MACROD2: variants seen among roughly 807,000 people sequenced by gnomAD.
MACROD2 encodes mono-ADP ribosylhydrolase 2, also known as ADP-ribose glycohydrolase MACROD2.
Under a neutral mutation model 70.4 loss-of-function variants are expected in MACROD2, and 36 were observed. The ratio of observed to expected loss-of-function variants is 0.51; its 90% CI spans 0.39 to 0.68. The LOEUF (loss-of-function observed/expected upper bound fraction) is 0.68. Among genes scored for constraint, MACROD2 ranks in the 30% least tolerant of loss-of-function variants. MACROD2 has a pLI of 0.00. For synonymous variants in MACROD2, 172 were observed against 178.8 expected, an observed-to-expected ratio of 0.96 and a Z score of 0.30; for missense variants, 496 against 538.4, an observed-to-expected ratio of 0.92 and a Z score of 0.78.
At chr20:14,995,908 A>T (rs1337815394) in intron 5 of MACROD2, among the ~76,000 whole-genome samples, 1 of 152,224 alleles carries the variant, frequency 6.6e-6, no homozygotes, top group African/African-American at 2.4e-5. Flanking sequence ...CTTTCAGTTG[A>T]AGAAGCTAGA....
intron 5 of MACROD2, among the ~76,000 whole-genome samples, chr20:14,947,525 G>T (rs1315904822): frequency 1.3e-5 from 2 of 152,180 alleles, no homozygotes; most frequent in African/African-American, 4.8e-5. Context: ...TAAACACATG[G>T]TAACTAATAG....
chr20:15,369,390 T>G (rs1261051774), intron 6 of MACROD2, among the ~76,000 whole-genome samples: 1 of 152,216 alleles, frequency 6.6e-6, no homozygotes, highest in African/African-American at 2.4e-5. Context: ...ATAATAATGA[T>G]CAAGCTTTGT....
At chr20:14,424,844 A>C (rs2083916275) in intron 3 of MACROD2, among the ~76,000 whole-genome samples, 1 of 152,196 alleles carries the variant, frequency 6.6e-6, no homozygotes, top group African/African-American at 2.4e-5. Flanking sequence ...AATCTATAAT[A>C]AATTGGGGAT....
intron 7 of MACROD2, among the ~76,000 whole-genome samples, chr20:15,466,221 ATTCT>A (rs1420682818): frequency 1.3e-5 from 2 of 152,170 alleles, no homozygotes; most frequent in Non-Finnish European, 2.9e-5. Context: ...TCATTCATTC[ATTCT>A]TTCATTCATT....
intron 8 of MACROD2, among the ~76,000 whole-genome samples, chr20:15,596,916 A>G (rs1473925114): frequency 6.6e-6 from 1 of 152,224 alleles, no homozygotes; most frequent in African/African-American, 2.4e-5. Context: ...TCCCGGCTTA[A>G]TAGGATGTTA....
intron 8 of MACROD2, among the ~76,000 whole-genome samples, chr20:15,640,076 T>G (rs1351622190): frequency 3.7e-5 from 5 of 136,332 alleles, no homozygotes; most frequent in Non-Finnish European, 4.7e-5. Context: ...TGAGAGAAGG[T>G]GAGAGAAAAA....
intron 8 of MACROD2, among the ~76,000 whole-genome samples, chr20:15,682,856 A>T (rs954059451): frequency 7.2e-5 from 11 of 152,248 alleles, no homozygotes; most frequent in African/African-American, 2.4e-4. Context: ...AAGCTCTGTC[A>T]TTTTTTGTTG....
intron 3 of MACROD2, among the ~76,000 whole-genome samples, chr20:14,270,561 C>T (rs1208628924): frequency 6.6e-6 from 1 of 150,382 alleles, no homozygotes; most frequent in East Asian, 1.9e-4. Context: ...AGCACTCCAG[C>T]CTGGCAACAG....
At chr20:14,821,612 C>A (rs1568816125) in intron 5 of MACROD2, among the ~76,000 whole-genome samples, 2 of 152,094 alleles carry the variant, frequency 1.3e-5, no homozygotes, top group Non-Finnish European at 2.9e-5. Flanking sequence ...CTAATTGTTT[C>A]TTTCTCTTTT....
chr20:15,991,357 C>T (rs2066556342), intron 15 of MACROD2, among the ~76,000 whole-genome samples: 1 of 152,194 alleles, frequency 6.6e-6, no homozygotes, highest in African/African-American at 2.4e-5. Flanking sequence ...TACAAAGCAC[C>T]CCTGTATAGC....
chr20:16,026,305 C>T (rs188582048), intron 15 of MACROD2, among the ~76,000 whole-genome samples: 1 of 152,178 alleles, frequency 6.6e-6, no homozygotes, highest in African/African-American at 2.4e-5. Context: ...CAGTACACCA[C>T]CATTTTACTG....
intron 3 of MACROD2, among the ~76,000 whole-genome samples, chr20:14,273,296 C>T (rs2082215386): frequency 1.3e-5 from 2 of 152,158 alleles, no homozygotes; most frequent in South Asian, 2.1e-4. Flanking sequence ...CAAACTGTCT[C>T]TCAGACCACA....
At chr20:15,011,363 G>A (rs2075081176) in intron 5 of MACROD2, among the ~76,000 whole-genome samples, 1 of 151,834 alleles carries the variant, frequency 6.6e-6, no homozygotes, top group Admixed American at 6.6e-5. Context: ...AGAGAAGGAG[G>A]ATCTCTTTTA....
rs548855105 is a variant in MACROD2 at position 14,848,326 on chromosome 20, A to G, written c.418+163367A>G. On this transcript the variant is annotated intron_variant, in intron 5 of 17. Transcript: ENST00000684519. ...TATCATAGCCTATTTATAAAACTGT[A>G]TCTGTCTCCCTAGTTATCCTGTAGG... 1.3e-4 allele frequency among the ~76,000 whole-genome samples: 20 copies of G among 152,234 alleles called. No homozygotes were observed. In the South Asian group the frequency reaches 3.3e-3, roughly 25 times the overall value.
intron 13 of MACROD2, among the ~76,000 whole-genome samples, chr20:15,968,775 C>A (rs1270659119): frequency 1.6e-5 from 2 of 127,684 alleles, no homozygotes; most frequent in Non-Finnish European, 1.7e-5. Flanking sequence ...ATATTATAAA[C>A]ATATAATATT....
intron 8 of MACROD2, among the ~76,000 whole-genome samples, chr20:15,791,846 A>G (rs2063627676): frequency 1.3e-5 from 2 of 152,074 alleles, no homozygotes; most frequent in Admixed American, 1.3e-4. Context: ...TGACAAACTG[A>G]CAAATCTCAG....
intron 17 of MACROD2, among the ~76,000 whole-genome samples, chr20:16,049,144 T>C (rs1271015973): frequency 6.6e-6 from 1 of 152,032 alleles, no homozygotes; most frequent in Admixed American, 6.6e-5. Context: ...CATTTGTTCA[T>C]TCCAGCAGGA....
At chr20:14,487,057 A>G (rs1482804841) in intron 3 of MACROD2, among the ~76,000 whole-genome samples, 1 of 152,198 alleles carries the variant, frequency 6.6e-6, no homozygotes, top group African/African-American at 2.4e-5. Context: ...TGAACATCTC[A>G]GAGTGGGGAC....
At chr20:15,753,135 ACTT>A (rs1284939433) in intron 8 of MACROD2, among the ~76,000 whole-genome samples, 1 of 152,062 alleles carries the variant, frequency 6.6e-6, no homozygotes, top group African/African-American at 2.4e-5. Flanking sequence ...TATATTTTCA[ACTT>A]CTTATTTTAG....
Sources: allele counts gnomAD v4.1 joint callset (sites outside exome capture counted in the v4.1 genomes callset), GRCh38; gene constraint gnomAD v4.1.1; transcripts MANE v1.5; gene names NCBI Gene and HGNC (gene_info 2026-07-23, HGNC 2026-07-21).